CSMD1: variants seen among roughly 807,000 people sequenced by gnomAD.
The protein encoded by CSMD1 is CUB and sushi domain-containing protein 1.
Under a neutral mutation model 417.5 loss-of-function variants are expected in CSMD1, and 213 were observed. The ratio of observed to expected loss-of-function variants is 0.51; its 90% CI spans 0.46 to 0.57. The LOEUF is 0.57. CSMD1 is among the 20% of genes least tolerant of loss of function. CSMD1 has a pLI of 0.00. For missense variants in CSMD1, 6,923 were observed against 4,529.7 expected, an observed-to-expected ratio of 1.53 and a Z score of -15.17; for synonymous variants, 2,862 against 1,736.8, an observed-to-expected ratio of 1.65 and a Z score of -16.11.
intron 37 of CSMD1, among the ~76,000 whole-genome samples, chr8:3,170,503 CG>C (rs1262240073): frequency 6.6e-6 from 1 of 152,186 alleles, no homozygotes; most frequent in African/African-American, 2.4e-5. Context: ...CCACCGTGCC[CG>C]GCCCGAGCTT....
At chr8:4,304,121 T>C (rs1467946758) in intron 3 of CSMD1, among the ~76,000 whole-genome samples, 2 of 152,134 alleles carry the variant, frequency 1.3e-5, no homozygotes, top group Non-Finnish European at 2.9e-5. Flanking sequence ...CACTGTTATT[T>C]AGGCTACTAT....
intron 1 of CSMD1, among the ~76,000 whole-genome samples, chr8:4,802,218 A>G (rs549848464): frequency 1.3e-5 from 2 of 152,310 alleles, no homozygotes; most frequent in East Asian, 3.9e-4. Context: ...TCAAAGTACA[A>G]TTGGCTTAAA....
intron 6 of CSMD1, among the ~76,000 whole-genome samples, chr8:3,720,823 C>CTT (rs149569086): frequency 7.9e-5 from 12 of 151,106 alleles, no homozygotes; most frequent in African/African-American, 2.9e-4. Flanking sequence ...ACGTTTGAGA[C>CTT]TTTTTTTTTC....
chr8:4,697,552 G>C (rs1379753299), intron 1 of CSMD1, among the ~76,000 whole-genome samples: 2 of 152,056 alleles, frequency 1.3e-5, no homozygotes, highest in Non-Finnish European at 2.9e-5. Flanking sequence ...GAATGTCGAC[G>C]ATAGCAAAAC....
At chr8:3,794,441 G>A (rs998218493) in intron 5 of CSMD1, among the ~76,000 whole-genome samples, 1 of 151,998 alleles carries the variant, frequency 6.6e-6, no homozygotes, top group African/African-American at 2.4e-5. Flanking sequence ...AGTGATCATA[G>A]AATCAGTACT....
At chr8:3,856,151 G>T (rs562913343) in intron 5 of CSMD1, among the ~76,000 whole-genome samples, 1 of 152,056 alleles carries the variant, frequency 6.6e-6, no homozygotes, top group Non-Finnish European at 1.5e-5. Context: ...TGACTGGATT[G>T]TGGAGGTGGT....
chr8:4,234,853 G>C (rs1488197200), intron 3 of CSMD1, among the ~76,000 whole-genome samples: 1 of 152,082 alleles, frequency 6.6e-6, no homozygotes, highest in Non-Finnish European at 1.5e-5. Context: ...GCGCCTTCTT[G>C]CTCTGTCCCC....
At chr8:4,738,960 T>G (rs1028687662) in intron 1 of CSMD1, among the ~76,000 whole-genome samples, 9 of 149,240 alleles carry the variant, frequency 6.0e-5, no homozygotes, top group African/African-American at 2.2e-4. Context: ...TTGAAGGGCT[T>G]GAATAATATA....
At chr8:3,017,549 A>T (rs1247591617) in intron 52 of CSMD1, among the ~76,000 whole-genome samples, 1 of 151,930 alleles carries the variant, frequency 6.6e-6, no homozygotes, top group Admixed American at 6.6e-5. Flanking sequence ...ACCAAGCAGC[A>T]TTCCTGTAAG....
chr8:4,563,067 G>T (rs940649590), intron 2 of CSMD1, among the ~76,000 whole-genome samples: 18 of 152,198 alleles, frequency 1.2e-4, no homozygotes, highest in African/African-American at 4.1e-4. Flanking sequence ...AAATTTGGGA[G>T]ATTTCTCATA....
chr8:4,434,862 C>A (rs142989643), intron 2 of CSMD1, among the ~76,000 whole-genome samples: 1 of 152,156 alleles, frequency 6.6e-6, no homozygotes. Context: ...ACCGCAAGAA[C>A]AAACTACATC....
intron 27 of CSMD1, among the ~76,000 whole-genome samples, chr8:3,226,604 C>T (rs1798519575): frequency 7.0e-6 from 1 of 141,900 alleles, no homozygotes; most frequent in South Asian, 2.2e-4. Flanking sequence ...AAAAAAAAGT[C>T]GTTAATGTCC....
chr8:4,853,848 G>C (rs960869087), intron 1 of CSMD1, among the ~76,000 whole-genome samples: 2 of 152,198 alleles, frequency 1.3e-5, no homozygotes, highest in African/African-American at 4.8e-5. Flanking sequence ...TTGCAGTAGT[G>C]TGACCTGGAT....
chr8:4,443,630 G>A (rs189793993), intron 2 of CSMD1, among the ~76,000 whole-genome samples: 191 of 152,302 alleles, frequency 1.3e-3, no homozygotes, highest in Non-Finnish European at 1.8e-3. Flanking sequence ...GAATGTACTG[G>A]AACAGCCATG....
At chr8:3,814,653 T>G (rs1000935657) in intron 5 of CSMD1, among the ~76,000 whole-genome samples, 1 of 152,158 alleles carries the variant, frequency 6.6e-6, no homozygotes, top group African/African-American at 2.4e-5. Flanking sequence ...CTATCCAACC[T>G]CAAATGTGAA....
rs184101567 is a variant in CSMD1, at chr8:4,263,554, T to C, written c.415+156399A>G. Among the ~76,000 whole-genome samples the C allele has an allele frequency of 4.8e-3, 729 of 152,294 alleles. 4 individuals are homozygous for C. The highest frequency in any genetic ancestry group is 7.8e-3 in the Non-Finnish European group (529 of 68,020). On this transcript the variant is annotated intron_variant, in intron 3 of 69. Coordinates refer to ENST00000635120, the MANE Select transcript of CSMD1 (RefSeq NM_033225.6). Reference sequence around the variant, plus strand: ...GATATTAGCTACTTTGATGTCTTTCTTGGAAAGTCATAATCAACAATCATG... The same window carrying C: ...GATATTAGCTACTTTGATGTCTTTCCTGGAAAGTCATAATCAACAATCATG...
At chr8:3,461,135 C>A (rs566851281) in intron 12 of CSMD1, among the ~76,000 whole-genome samples, 1 of 152,154 alleles carries the variant, frequency 6.6e-6, no homozygotes, top group Admixed American at 6.5e-5. Flanking sequence ...CATCGCTCTG[C>A]GGAACTGAGG....
At chr8:4,212,781 G>A (rs1346625152) in intron 3 of CSMD1, among the ~76,000 whole-genome samples, 3 of 95,558 alleles carry the variant, frequency 3.1e-5, no homozygotes, top group Non-Finnish European at 5.2e-5. Context: ...TTTTTTACAA[G>A]CTATTGAACA....
chr8:4,137,160 T>C (rs960236655), intron 3 of CSMD1, among the ~76,000 whole-genome samples: 2 of 152,218 alleles, frequency 1.3e-5, no homozygotes, highest in African/African-American at 4.8e-5. Flanking sequence ...GTAAATAGGT[T>C]ATCCATTTCC....
Sources: gnomAD v4.1 joint callset for allele counts (sites outside exome capture counted in the v4.1 genomes callset) on GRCh38, gnomAD v4.1.1 for gene constraint, MANE v1.5 for transcripts, NCBI Gene and HGNC (gene_info 2026-07-23, HGNC 2026-07-21) for gene names.